Variants in GABRB1 observed in about 807,000 individuals in gnomAD.
GABRB1 encodes gamma-aminobutyric acid type A receptor subunit beta1.
GABRB1 carries 17 observed loss-of-function variants against 51.6 expected under a neutral mutation model. The observed-to-expected ratio is 0.33, with a 90% CI of 0.23 to 0.49. The LOEUF (loss-of-function observed/expected upper bound fraction) is 0.49, where lower values mean the gene tolerates loss of function less well. Among genes scored for constraint, GABRB1 ranks in the 20% least tolerant of loss-of-function variants. The pLI is 0.99. For synonymous variants in GABRB1, 247 were observed against 218.9 expected (o/e 1.13, Z -1.14); for missense variants, 410 against 600.6 (o/e 0.68, Z 3.32).
At chr4:47,084,976 GC>G (rs1728003721) in intron 3 of GABRB1, among the ~76,000 whole-genome samples, 1 of 151,960 alleles carries the variant, frequency 6.6e-6, no homozygotes, top group Admixed American at 6.6e-5. Context: ...TTAAGCTAAA[GC>G]CAAAAAAGGT....
chr4:47,414,656 A>G (rs1486912672), intron 8 of GABRB1, among the ~76,000 whole-genome samples: 1 of 152,178 alleles, frequency 6.6e-6, no homozygotes, highest in Non-Finnish European at 1.5e-5. Flanking sequence ...GTCAAGAAAT[A>G]GATTTTTTTC....
chr4:47,317,796 C>A (rs774024438), intron 4 of GABRB1, among the ~76,000 whole-genome samples: 6 of 151,462 alleles, frequency 4.0e-5, no homozygotes, highest in Non-Finnish European at 7.4e-5. Flanking sequence ...GATAGTTTAG[C>A]GCAAATGACC....
intron 4 of GABRB1, among the ~76,000 whole-genome samples, chr4:47,183,101 C>T (rs1331512102): frequency 1.3e-5 from 2 of 151,490 alleles, no homozygotes; most frequent in African/African-American, 4.8e-5. Flanking sequence ...GATTGTAGTT[C>T]ATTCAGTAGG....
At chr4:47,235,065 T>C (rs532522420) in intron 4 of GABRB1, among the ~76,000 whole-genome samples, 3 of 152,326 alleles carry the variant, frequency 2.0e-5, no homozygotes, top group East Asian at 1.9e-4. Context: ...TCCCCACTTA[T>C]ACCCTTCCTT....
At position 47,228,748 on chromosome 4, in the gene GABRB1, G is replaced by A. The variant is rs73150131; in HGVS notation, c.461+67279G>A. ...TCAGCTAATTCTGCAGGATGATCTC[G>A]AGCTCTCAGAGTTGTTTGTATCCTC... On this transcript the variant is annotated intron_variant, in intron 4 of 8. Coordinates refer to ENST00000295454, the MANE Select transcript of GABRB1 (RefSeq NM_000812.4). 1.9e-3 allele frequency among the ~76,000 whole-genome samples: 294 copies of A among 152,154 alleles called. 3 individuals carry two copies. The highest frequency in any genetic ancestry group is 6.6e-3 in the African/African-American group (276 of 41,536).
intron 5 of GABRB1, among the ~76,000 whole-genome samples, chr4:47,358,398 T>G (rs1032518159): frequency 1.9e-4 from 29 of 151,490 alleles, no homozygotes; most frequent in African/African-American, 6.6e-4. Flanking sequence ...TGTATATATA[T>G]ATATATAGAG....
chr4:47,294,244 G>A (rs1560318395), intron 4 of GABRB1, among the ~76,000 whole-genome samples: 1 of 152,200 alleles, frequency 6.6e-6, no homozygotes, highest in Admixed American at 6.5e-5. Flanking sequence ...GGGAGTGCCA[G>A]ACAATGGGTG....
At chr4:47,114,368 G>T (rs748696821) in intron 3 of GABRB1, among the ~76,000 whole-genome samples, 5 of 152,068 alleles carry the variant, frequency 3.3e-5, no homozygotes, top group Non-Finnish European at 7.4e-5. Context: ...GGGGAAGAAG[G>T]CTTTTTTCTC....
At chr4:47,320,453 A>C (rs781259285) in intron 5 of GABRB1, among the ~76,000 whole-genome samples, 1 of 152,236 alleles carries the variant, frequency 6.6e-6, no homozygotes, top group Non-Finnish European at 1.5e-5. Context: ...CTCAGAACGT[A>C]GTTTCTCCCA....
At chr4:47,307,559 A>C (rs186424650) in intron 4 of GABRB1, among the ~76,000 whole-genome samples, 47 of 152,130 alleles carry the variant, frequency 3.1e-4, no homozygotes, top group African/African-American at 8.2e-4. Flanking sequence ...TCTATAACTT[A>C]TACCTCCTTC....
At chr4:47,154,257 G>GTTTTTT (rs66516518) in intron 3 of GABRB1, among the ~76,000 whole-genome samples, 5 of 137,428 alleles carry the variant, frequency 3.6e-5, no homozygotes, top group South Asian at 2.3e-4. Flanking sequence ...AATTATGGTT[G>GTTTTTT]TTTTTTTTTT....
Position 47,406,835 on chromosome 4 carries a change from T to A in GABRB1, c.989T>A (p.Ile330Asn). Reference sequence around the variant, plus strand: ...CTGGAGTATGCCTTTGTAAATTACATCTTCTTTGGGAAAGGCCCTCAGAAA... The same window carrying A: ...CTGGAGTATGCCTTTGTAAATTACAACTTCTTTGGGAAAGGCCCTCAGAAA... ...ALLEYAFVNY[I>N]FFGKGPQKKG... The change falls in exon 8 of 9, where the codon ATC (isoleucine) becomes AAC (asparagine). Residue 330 changes from isoleucine (I) to asparagine (N), a missense_variant. Around this residue, in one of 5 missense-constraint regions of GABRB1, gnomAD observed 181 missense variants for 195.6 expected, o/e 0.93. Transcript: ENST00000295454. The A allele has an allele frequency of 6.2e-7, 1 of 1,614,172 alleles. No individual in the cohort carries two copies. Among genetic ancestry groups the A allele is most frequent in the Non-Finnish European group, 8.5e-7 (1 of 1,180,014 alleles).
chr4:47,334,268 T>G (rs1189857833), intron 5 of GABRB1, among the ~76,000 whole-genome samples: 1 of 152,164 alleles, frequency 6.6e-6, no homozygotes, highest in Non-Finnish European at 1.5e-5. Context: ...TTAAGAAAAT[T>G]TTTTAAAAAG....
chr4:47,306,037 A>T (rs13151343), intron 4 of GABRB1, among the ~76,000 whole-genome samples: 150,298 of 152,124 alleles, frequency 0.99, 74,258 homozygotes, highest in East Asian at 1. Flanking sequence ...TACAAAAGGA[A>T]CTTCATTTGA....
Position 47,425,729 on chromosome 4 carries a change from G to A in GABRB1, c.1136G>A (p.Ser379Asn). 6.2e-7 allele frequency: 1 copy of A among 1,613,950 alleles called. No homozygotes were observed. Among genetic ancestry groups the A allele is most frequent in the South Asian group, 1.1e-5 (1 of 91,044 alleles). ...LSTLEIRNET[S>N]GSEVLTSVSD... ...ACCCTGGAAATCCGGAATGAGACGAGTGGCTCGGAAGTGCTCACGAGCGTG... is the reference window on the plus strand; with the variant it reads ...ACCCTGGAAATCCGGAATGAGACGAATGGCTCGGAAGTGCTCACGAGCGTG... The change falls in exon 9 of 9, where the codon AGT becomes AAT. Residue 379 changes from serine to asparagine, a missense_variant. Physicochemically the swap from Ser to Asn is conservative, Grantham distance 46. Around this residue, in one of 5 missense-constraint regions of GABRB1, gnomAD observed 181 missense variants for 195.6 expected, o/e 0.93. Transcript: ENST00000295454.
intron 4 of GABRB1, among the ~76,000 whole-genome samples, chr4:47,204,587 C>T (rs745683082): frequency 2.0e-5 from 3 of 152,140 alleles, no homozygotes; most frequent in Non-Finnish European, 4.4e-5. Flanking sequence ...ACAATCCCCA[C>T]GTGTCTTGGA....
intron 5 of GABRB1, among the ~76,000 whole-genome samples, chr4:47,333,026 A>G (rs1303163772): frequency 1.3e-5 from 2 of 150,328 alleles, no homozygotes; most frequent in Admixed American, 6.7e-5. Flanking sequence ...ATTCAAATCT[A>G]TGTAATAAGA....
At chr4:47,400,968 A>T (rs1728362493) in intron 5 of GABRB1, among the ~76,000 whole-genome samples, 1 of 118,904 alleles carries the variant, frequency 8.4e-6, no homozygotes, top group Non-Finnish European at 1.6e-5. Context: ...TCGCTGTGTC[A>T]CCCAGGCTGG....
chr4:47,391,260 G>A (rs2110038972), intron 5 of GABRB1, among the ~76,000 whole-genome samples: 1 of 152,232 alleles, frequency 6.6e-6, no homozygotes, highest in South Asian at 2.1e-4. Context: ...TGAACACTAA[G>A]CCTAATGGGT....
Sources: gnomAD v4.1 joint callset for allele counts (sites outside exome capture counted in the v4.1 genomes callset) on GRCh38, gnomAD v4.1.1 for gene constraint, gnomAD v4.1.1 regional missense constraint, MANE v1.5 for transcripts, NCBI Gene and HGNC (gene_info 2026-07-23, HGNC 2026-07-21) for gene names.